ZNF292: variants seen among roughly 807,000 people sequenced by gnomAD.
ZNF292 encodes zinc finger protein 292.
ZNF292 carries 26 observed loss-of-function variants against 217.9 expected under a neutral mutation model. The observed-to-expected ratio is 0.12, with a 90% CI of 0.09 to 0.17. The LOEUF is 0.17. Among genes scored for constraint, ZNF292 ranks in the 10% least tolerant of loss-of-function variants. ZNF292 has a pLI of 1.00. For synonymous variants in ZNF292, 1,257 were observed against 1,124.1 expected (o/e 1.12, Z -2.37); for missense variants, 2,904 against 3,175.2 (o/e 0.91, Z 2.05).
At chr6:87,238,485 C>CAAA (rs752151881) in intron 5 of ZNF292, among the ~76,000 whole-genome samples, 2 of 99,700 alleles carry the variant, frequency 2.0e-5, no homozygotes, top group East Asian at 2.9e-4. Context: ...GTCTCCATCT[C>CAAA]AAAAAAAAAA....
chr6:87,244,872 C>T (rs545355440), intron 6 of ZNF292, among the ~76,000 whole-genome samples: 8 of 152,094 alleles, frequency 5.3e-5, no homozygotes, highest in African/African-American at 1.9e-4. Flanking sequence ...TATACGTACA[C>T]ACACATATCT....
In ZNF292 at chr6:87,218,577, G is replaced by A. The variant is rs1562148707; in HGVS notation, c.403-19G>A. 2.6e-6 allele frequency: 4 copies of A among 1,513,366 alleles called. No individual in the cohort carries two copies. Among genetic ancestry groups the A allele is most frequent in the Admixed American group, 2.4e-5 (1 of 41,016 alleles). 93.7% of individuals were successfully genotyped at this position (1,513,366 alleles called of 1,614,324 possible). ...AAAAATCTGTTGTAATTCTTTGGAT[G>A]TTTATTTAATATTTATAGGTAGCTC... On this transcript the variant is annotated intron_variant, in intron 3 of 7. Transcript: ENST00000369577.
At chr6:87,155,909 TTGTG>T in intron 1 of ZNF292, 150 bp downstream of exon 1, 1 of 999,602 alleles carries the variant, frequency 1.0e-6, no homozygotes, top group East Asian at 2.7e-5. Flanking sequence ...GAAGGCGCCT[TTGTG>T]TGGCTGCAGT....
chr6:87,224,686 T>C (rs552226990), intron 4 of ZNF292, among the ~76,000 whole-genome samples: 1 of 152,322 alleles, frequency 6.6e-6, no homozygotes, highest in East Asian at 1.9e-4. Context: ...CTAAATAATA[T>C]TCCATTATAT....
chr6:87,249,885 T>C (rs1159768649), intron 7 of ZNF292, among the ~76,000 whole-genome samples: 1 of 151,988 alleles, frequency 6.6e-6, no homozygotes, highest in African/African-American at 2.4e-5. Context: ...AATTTTTGTA[T>C]TTTTAGTAGA....
chr6:87,172,014 C>T (rs949930287), intron 1 of ZNF292, among the ~76,000 whole-genome samples: 5 of 152,200 alleles, frequency 3.3e-5, no homozygotes, highest in Admixed American at 1.3e-4. Context: ...AACCATTTAT[C>T]TGTTTGCAAA....
intron 1 of ZNF292, among the ~76,000 whole-genome samples, chr6:87,205,032 G>A (rs1273157856): frequency 6.6e-6 from 1 of 152,024 alleles, no homozygotes; most frequent in Non-Finnish European, 1.5e-5. Context: ...GTAATAAAGA[G>A]ATTATCTGTT....
At chr6:87,159,664 G>A (rs529111228) in intron 1 of ZNF292, among the ~76,000 whole-genome samples, 5 of 151,912 alleles carry the variant, frequency 3.3e-5, no homozygotes, top group East Asian at 1.9e-4. Context: ...CACCATGCCC[G>A]GCTAATTTTG....
chr6:87,196,486 A>G (rs142699108), intron 1 of ZNF292, among the ~76,000 whole-genome samples: 4,885 of 152,334 alleles, frequency 0.032, 117 homozygotes, highest in Middle Eastern at 0.071. Context: ...TCATGCATAT[A>G]CTGAATAACA....
At chr6:87,163,188 A>C (rs1325981536) in intron 1 of ZNF292, among the ~76,000 whole-genome samples, 1 of 152,222 alleles carries the variant, frequency 6.6e-6, no homozygotes, top group Non-Finnish European at 1.5e-5. Context: ...GCGGTGGCTC[A>C]CGCCTGTAAT....
rs888581322 is a variant in ZNF292 at position 87,243,900 on chromosome 6, C to T, written c.878+289C>T. On this transcript the variant is annotated intron_variant, in intron 6 of 7. Coordinates refer to ENST00000369577, the MANE Select transcript of ZNF292 (RefSeq NM_015021.3). ...AAAGACTTGTTTTGTCTAATGCCAC[C>T]ATAACATTTTTTTAGATATGTAAGC... 2.6e-5 allele frequency among the ~76,000 whole-genome samples: 4 copies of T among 152,200 alleles called. No individual in the cohort carries two copies. The South Asian group carries it at 8.3e-4, about 32-fold the overall frequency.
At chr6:87,169,442 T>C (rs9351116) in intron 1 of ZNF292, among the ~76,000 whole-genome samples, 17,194 of 152,090 alleles carry the variant, frequency 0.11, 1,068 homozygotes, top group African/African-American at 0.16. Context: ...ATTGGCTTGG[T>C]TCCTCATTGC....
chr6:87,237,303 T>TG (rs1773950399), intron 5 of ZNF292, among the ~76,000 whole-genome samples: 1 of 152,168 alleles, frequency 6.6e-6, no homozygotes, highest in Non-Finnish European at 1.5e-5. Flanking sequence ...TGGAGTGCAG[T>TG]GGTGTGATCT....
At chr6:87,163,832 GGCATTTTTGGAGAAAAAT>G in intron 1 of ZNF292, among the ~76,000 whole-genome samples, 1 of 152,194 alleles carries the variant, frequency 6.6e-6, no homozygotes, top group Admixed American at 6.5e-5. Context: ...TATTCAAACT[GGCATTTTTGGAGAAAAAT>G]GCCAAGTGAT....
chr6:87,229,536 C>A (rs1773542595), intron 4 of ZNF292, among the ~76,000 whole-genome samples: 1 of 152,174 alleles, frequency 6.6e-6, no homozygotes, highest in Non-Finnish European at 1.5e-5. Context: ...AAGCAATTCT[C>A]CTGCCTCAGC....
chr6:87,163,205 A>G (rs1372064070), intron 1 of ZNF292, among the ~76,000 whole-genome samples: 2 of 152,180 alleles, frequency 1.3e-5, no homozygotes, highest in African/African-American at 4.8e-5. Flanking sequence ...TAATCCTAGC[A>G]CTTTGGGAGG....
intron 1 of ZNF292, among the ~76,000 whole-genome samples, chr6:87,182,322 T>C (rs1357921438): frequency 1.3e-5 from 2 of 152,228 alleles, no homozygotes; most frequent in Non-Finnish European, 2.9e-5. Flanking sequence ...AAACATCAAA[T>C]GAGAACTTTT....
At chr6:87,251,110 C>CT (rs1360565725) in intron 7 of ZNF292, among the ~76,000 whole-genome samples, 4 of 152,148 alleles carry the variant, frequency 2.6e-5, no homozygotes, top group Non-Finnish European at 5.9e-5. Context: ...AAAGTAGTAT[C>CT]AAGACAAATG....
chr6:87,157,923 G>C (rs1187090506), intron 1 of ZNF292, among the ~76,000 whole-genome samples: 1 of 152,118 alleles, frequency 6.6e-6, no homozygotes, highest in East Asian at 1.9e-4. Flanking sequence ...GTCTCGAACT[G>C]CTGGTCTCGA....
Sources: gnomAD v4.1 joint callset for allele counts (sites outside exome capture counted in the v4.1 genomes callset) on GRCh38, gnomAD v4.1.1 for gene constraint, MANE v1.5 for transcripts, NCBI Gene and HGNC (gene_info 2026-07-23, HGNC 2026-07-21) for gene names.